Variants in SNX29 observed in about 807,000 individuals in gnomAD.
The protein encoded by SNX29 is sorting nexin-29.
SNX29 carries 78 observed loss-of-function variants against 102.1 expected under a neutral mutation model. That is an observed-to-expected ratio of 0.76 (90% CI 0.64 to 0.92). SNX29 has a LOEUF of 0.92. Among genes scored for constraint, SNX29 ranks in the 40% least tolerant of loss-of-function variants. SNX29 has a pLI of 0.00. For missense variants in SNX29, 1,280 were observed against 1,061.7 expected (o/e 1.21, Z -2.86); for synonymous variants, 580 against 414.5 (o/e 1.40, Z -4.85).
intron 20 of SNX29, among the ~76,000 whole-genome samples, chr16:12,563,476 C>T (rs1014217760): frequency 2.6e-5 from 4 of 152,162 alleles, no homozygotes; most frequent in Non-Finnish European, 5.9e-5. Flanking sequence ...GTAAAAGGCT[C>T]AAGGAATAGG....
rs772137184 is a variant in SNX29 at position 12,568,613 on chromosome 16, A to G, written c.2426A>G (p.Gln809Arg). ...CGGGAGACCCGCAACGTGGAGCCCC[A>G]GAGCGGTGACCTCTGACCTCGACAA... ...QPRETRNVEPQSGDL is the reference protein window; with the variant it reads ...QPRETRNVEPRSGDL The change falls in exon 21 of 21, where the codon CAG (glutamine) becomes CGG (arginine). Residue 809 changes from glutamine (Q) to arginine (R), a missense_variant. Gln to Arg is a conservative substitution (Grantham distance 43, BLOSUM62 1). Coordinates refer to ENST00000566228, the MANE Select transcript of SNX29 (RefSeq NM_032167.5). 1 of 1,604,234 alleles carries G rather than the reference A, an allele frequency of 6.2e-7. No homozygotes were observed. The highest frequency in any genetic ancestry group is 1.1e-5 in the South Asian group (1 of 91,072).
chr16:12,273,332 T>G (rs1365344962), intron 14 of SNX29, among the ~76,000 whole-genome samples: 1 of 92,724 alleles, frequency 1.1e-5, no homozygotes, highest in Non-Finnish European at 2.2e-5. Flanking sequence ...GTGGTGGTTT[T>G]TTGTTTTTTG....
chr16:12,329,717 C>T (rs1173470838), intron 15 of SNX29, among the ~76,000 whole-genome samples: 2 of 152,238 alleles, frequency 1.3e-5, no homozygotes, highest in East Asian at 1.9e-4. Flanking sequence ...GCAACGAGTC[C>T]TCTGCTTCAG....
intron 14 of SNX29, among the ~76,000 whole-genome samples, chr16:12,201,185 A>G (rs2076906234): frequency 6.6e-6 from 1 of 152,174 alleles, no homozygotes; most frequent in South Asian, 2.1e-4. Context: ...TGCAGAATTA[A>G]TCATCTTTCT....
At chr16:12,515,246 ATCGCT>A (rs1291321851) in intron 19 of SNX29, among the ~76,000 whole-genome samples, 1 of 152,104 alleles carries the variant, frequency 6.6e-6, no homozygotes, top group Non-Finnish European at 1.5e-5. Context: ...TTTTGTAATG[ATCGCT>A]TTGCATGTCT....
Position 11,994,789 on chromosome 16 carries a change from G to C in SNX29, c.8-4508G>C, listed in dbSNP as rs149315789. On this transcript the variant is annotated intron_variant, in intron 1 of 20. Transcript: ENST00000566228. ...TGCTGTACTCTCCACTGGATTCAAA[G>C]GGAGAAGGTAAGAAGGAGACTGGTA... is the stretch of plus-strand genomic sequence containing the variant. Among the ~76,000 whole-genome samples the C allele has an allele frequency of 4.5e-3, 684 of 152,274 alleles. 5 individuals are homozygous for C. The highest frequency in any genetic ancestry group is 0.016 in the African/African-American group (647 of 41,536).
chr16:12,509,923 G>A (rs2089537682), intron 19 of SNX29, among the ~76,000 whole-genome samples: 1 of 152,242 alleles, frequency 6.6e-6, no homozygotes, highest in Non-Finnish European at 1.5e-5. Flanking sequence ...AATAGCCTCA[G>A]CATGTATCTG....
At chr16:12,121,567 C>A (rs77030134) in intron 11 of SNX29, among the ~76,000 whole-genome samples, 2,456 of 152,304 alleles carry the variant, frequency 0.016, 39 homozygotes, top group Non-Finnish European at 0.024. Flanking sequence ...TCTGTAGTAG[C>A]GCTTGACATT....
intron 19 of SNX29, among the ~76,000 whole-genome samples, chr16:12,488,291 A>T (rs950860333): frequency 1.4e-4 from 22 of 152,054 alleles, no homozygotes; most frequent in African/African-American, 4.6e-4. Context: ...CAAGTTGTAG[A>T]ACTTGCTGGT....
chr16:12,051,225 A>G (rs1226828224), intron 7 of SNX29, among the ~76,000 whole-genome samples: 7 of 151,862 alleles, frequency 4.6e-5, no homozygotes, highest in African/African-American at 1.7e-4. Context: ...GCTACTCAGG[A>G]GGCTGAGGGC....
At chr16:12,020,759 G>C (rs923224095) in intron 3 of SNX29, among the ~76,000 whole-genome samples, 3 of 151,990 alleles carry the variant, frequency 2.0e-5, no homozygotes, top group Non-Finnish European at 4.4e-5. Flanking sequence ...GAGTAGCTGG[G>C]ATTACAGGCA....
At chr16:12,172,483 G>A (rs1259319314) in intron 13 of SNX29, among the ~76,000 whole-genome samples, 1 of 152,096 alleles carries the variant, frequency 6.6e-6, no homozygotes, top group Non-Finnish European at 1.5e-5. Context: ...TCTGGCAGAG[G>A]GGTCATCTTG....
intron 14 of SNX29, among the ~76,000 whole-genome samples, chr16:12,264,639 G>A (rs558255514): frequency 4.6e-5 from 7 of 152,148 alleles, no homozygotes; most frequent in African/African-American, 1.7e-4. Context: ...AAAATTAGCC[G>A]GACGTGATAG....
At chr16:12,393,018 G>T (rs369273434) in intron 16 of SNX29, among the ~76,000 whole-genome samples, 1 of 152,192 alleles carries the variant, frequency 6.6e-6, no homozygotes, top group Non-Finnish European at 1.5e-5. Context: ...GAAAGCAAGC[G>T]CATTGGTGGG....
At chr16:12,458,148 G>A (rs543743141) in intron 18 of SNX29, among the ~76,000 whole-genome samples, 1 of 152,278 alleles carries the variant, frequency 6.6e-6, no homozygotes, top group Non-Finnish European at 1.5e-5. Flanking sequence ...TTCACCTTGG[G>A]CTCTGCACTG....
At chr16:12,137,556 C>G (rs1395187572) in intron 13 of SNX29, among the ~76,000 whole-genome samples, 2 of 152,218 alleles carry the variant, frequency 1.3e-5, no homozygotes, top group Non-Finnish European at 2.9e-5. Flanking sequence ...CTTGGGAGCC[C>G]TGCTCAGATC....
chr16:12,538,189 C>G (rs1480720243), intron 20 of SNX29, among the ~76,000 whole-genome samples: 1 of 152,098 alleles, frequency 6.6e-6, no homozygotes, highest in Non-Finnish European at 1.5e-5. Context: ...GATCTAGGCT[C>G]ACCGCAAGCT....
intron 20 of SNX29, among the ~76,000 whole-genome samples, chr16:12,547,380 C>G (rs1043127480): frequency 1.3e-5 from 2 of 152,130 alleles, no homozygotes; most frequent in Non-Finnish European, 2.9e-5. Context: ...AAGGGTAGAG[C>G]TTTGTTATGG....
At chr16:12,113,451 C>T (rs2141280375) in intron 11 of SNX29, among the ~76,000 whole-genome samples, 1 of 152,252 alleles carries the variant, frequency 6.6e-6, no homozygotes, top group South Asian at 2.1e-4. Flanking sequence ...TAGGATGGTG[C>T]AGAGTTGGTG....
Sources: gnomAD v4.1 joint callset for allele counts (sites outside exome capture counted in the v4.1 genomes callset) on GRCh38, gnomAD v4.1.1 for gene constraint, MANE v1.5 for transcripts, NCBI Gene and HGNC (gene_info 2026-07-23, HGNC 2026-07-21) for gene names.